Variants in NRXN1 observed in about 807,000 individuals in gnomAD.
NRXN1 encodes neurexin-1.
NRXN1 carries 39 observed loss-of-function variants against 150.9 expected under a neutral mutation model. That is an observed-to-expected ratio of 0.26 (90% CI 0.20 to 0.34). The LOEUF is 0.34. NRXN1 is among the 10% of genes least tolerant of loss of function. The probability of loss-of-function intolerance (pLI) is 1.00; values close to 1 mark genes in which losing one functional copy is unlikely to be tolerated. For missense variants in NRXN1, 1,815 were observed against 1,949.9 expected, an observed-to-expected ratio of 0.93 and a Z score of 1.30; for synonymous variants, 924 against 757.0, an observed-to-expected ratio of 1.22 and a Z score of -3.62.
At chr2:50,915,557 C>G (rs1685101422) in intron 5 of NRXN1, among the ~76,000 whole-genome samples, 1 of 151,542 alleles carries the variant, frequency 6.6e-6, no homozygotes, top group Admixed American at 6.6e-5. Flanking sequence ...GATAATCAAT[C>G]TTTAATACTT....
At chr2:50,007,135 G>C (rs559238260) in intron 21 of NRXN1, among the ~76,000 whole-genome samples, 1 of 152,046 alleles carries the variant, frequency 6.6e-6, no homozygotes, top group Non-Finnish European at 1.5e-5. Flanking sequence ...TTGAGGCCAG[G>C]AGTTTCAGAC....
Position 50,213,392 on chromosome 2 carries a change from G to T in NRXN1, c.3546+23397C>A, listed in dbSNP as rs557499546. 3.3e-5 allele frequency among the ~76,000 whole-genome samples: 5 copies of T among 151,922 alleles called. No homozygotes were observed. The South Asian group carries it at 1.0e-3, about 31-fold the overall frequency. ...TAAGGATATAAGAAAAGACAGGAAA[G>T]AAAAAATTGGGATGAATATATTGTT... On this transcript the variant is annotated intron_variant, in intron 18 of 22. Coordinates refer to ENST00000401669, the MANE Select transcript of NRXN1 (RefSeq NM_001330078.2).
At chr2:50,364,298 C>G (rs2079432933) in intron 17 of NRXN1, among the ~76,000 whole-genome samples, 1 of 151,980 alleles carries the variant, frequency 6.6e-6, no homozygotes, top group African/African-American at 2.4e-5. Context: ...GTTTAATGGC[C>G]AGGGGAAAAT....
rs1558565312 is a variant in NRXN1, at chr2:51,001,244, G to GGGC, written c.772+26255_772+26257dup. ...GTAGATTCATGGGGTTGGGGGGGGG[G>GGGC]GGCGTTTGTCAGGGGAGGACAAGTC... On this transcript the variant is annotated intron_variant, in intron 2 of 22. Transcript: ENST00000401669. 3.0e-5 allele frequency among the ~76,000 whole-genome samples: 4 copies of GGGC among 132,852 alleles called. No homozygotes were observed. In the East Asian group the frequency reaches 8.3e-4, roughly 28 times the overall value. The allele number at this position is 132,852 out of a possible 152,430, so 87.2% of individuals were successfully genotyped here. A position where few individuals can be genotyped will look rare whatever the true frequency, so the allele number is the denominator to read the frequency against.
chr2:50,041,335 TG>T (rs1690911890), intron 21 of NRXN1, among the ~76,000 whole-genome samples: 1 of 152,222 alleles, frequency 6.6e-6, no homozygotes, highest in African/African-American at 2.4e-5. Context: ...AACTCTGCAA[TG>T]AGTGTCTTTT....
intron 17 of NRXN1, among the ~76,000 whole-genome samples, chr2:50,423,603 A>T (rs1258624233): frequency 6.6e-6 from 1 of 152,148 alleles, no homozygotes; most frequent in African/African-American, 2.4e-5. Flanking sequence ...ATTAATAAAA[A>T]TCTTTATTGA....
chr2:50,299,075 T>C (rs10165898), intron 17 of NRXN1, among the ~76,000 whole-genome samples: 8,477 of 152,224 alleles, frequency 0.056, 805 homozygotes, highest in African/African-American at 0.19. Context: ...CTTTGGGGAA[T>C]TGGGCTACAT....
In NRXN1 at chr2:50,752,648, T is replaced by A. The variant is rs117119432; in HGVS notation, c.833-129033A>T. ...ATTAATTTAAATTTTAAAGCAGATT[T>A]CTTCCCATTATGTGTATTCAACTGA... On this transcript the variant is annotated intron_variant, in intron 5 of 22. Coordinates refer to ENST00000401669, the MANE Select transcript of NRXN1 (RefSeq NM_001330078.2). Among the ~76,000 whole-genome samples, 3 of 151,880 alleles carry A rather than the reference T, an allele frequency of 2.0e-5. No homozygotes were observed. The East Asian group carries it at 5.9e-4, about 30-fold the overall frequency.
chr2:50,811,791 T>C (rs940709997), intron 5 of NRXN1, among the ~76,000 whole-genome samples: 11 of 152,190 alleles, frequency 7.2e-5, no homozygotes, highest in African/African-American at 2.4e-4. Context: ...GAAGGTCAAA[T>C]ATGAAAGATG....
chr2:50,373,640 A>G (rs892862164), intron 17 of NRXN1, among the ~76,000 whole-genome samples: 1 of 104,874 alleles, frequency 9.5e-6, no homozygotes, highest in Non-Finnish European at 2.0e-5. Context: ...GAAAGAAAGA[A>G]AGAAAGAAAG....
intron 16 of NRXN1, among the ~76,000 whole-genome samples, chr2:50,472,049 CAA>C (rs1558789502): frequency 3.2e-4 from 32 of 99,626 alleles, no homozygotes; most frequent in East Asian, 8.1e-4. Flanking sequence ...AAAACAAAAG[CAA>C]AAACAGGCAA....
At chr2:50,818,342 A>G (rs1669233079) in intron 5 of NRXN1, among the ~76,000 whole-genome samples, 2 of 151,946 alleles carry the variant, frequency 1.3e-5, no homozygotes, top group South Asian at 4.1e-4. Context: ...TCTGTGTCTT[A>G]TTTAATCAGT....
chr2:50,508,869 G>T (rs1173691283), intron 12 of NRXN1, among the ~76,000 whole-genome samples: 1 of 152,078 alleles, frequency 6.6e-6, no homozygotes, highest in African/African-American at 2.4e-5. Flanking sequence ...AGAAGATAAG[G>T]TTTTTAAAAA....
chr2:50,124,116 G>C (rs775542394), intron 18 of NRXN1, among the ~76,000 whole-genome samples: 16 of 152,060 alleles, frequency 1.1e-4, no homozygotes, highest in Non-Finnish European at 2.9e-5. Context: ...AGGAAAAACA[G>C]AAGAAAACCC....
chr2:50,219,963 T>TA (rs1491151631), intron 18 of NRXN1, among the ~76,000 whole-genome samples: 9 of 60,698 alleles, frequency 1.5e-4, no homozygotes, highest in African/African-American at 1.1e-3. Context: ...AATATATATA[T>TA]TATATATATA....
intron 18 of NRXN1, among the ~76,000 whole-genome samples, chr2:50,152,292 C>G (rs2058742374): frequency 6.6e-6 from 1 of 151,722 alleles, no homozygotes; most frequent in Non-Finnish European, 1.5e-5. Context: ...TAGAATCATA[C>G]AGTATTTGTC....
intron 17 of NRXN1, among the ~76,000 whole-genome samples, chr2:50,384,292 G>C (rs544398253): frequency 4.6e-5 from 7 of 151,910 alleles, no homozygotes; most frequent in Non-Finnish European, 7.4e-5. Flanking sequence ...GGATCACGAG[G>C]TCAGGAGATT....
chr2:50,076,918 C>T (rs1260764114), intron 19 of NRXN1, among the ~76,000 whole-genome samples: 1 of 152,164 alleles, frequency 6.6e-6, no homozygotes, highest in Non-Finnish European at 1.5e-5. Flanking sequence ...ATCATCTGAC[C>T]TGGTGAGGAC....
intron 17 of NRXN1, among the ~76,000 whole-genome samples, chr2:50,355,186 T>C (rs2078704595): frequency 6.6e-6 from 1 of 151,082 alleles, no homozygotes; most frequent in Non-Finnish European, 1.5e-5. Flanking sequence ...AAATTGAGTC[T>C]CTATCTGGGA....
Sources: gnomAD v4.1 joint callset for allele counts (sites outside exome capture counted in the v4.1 genomes callset) on GRCh38, gnomAD v4.1.1 for gene constraint, MANE v1.5 for transcripts, NCBI Gene and HGNC (gene_info 2026-07-23, HGNC 2026-07-21) for gene names.